AKAP19: variants seen among roughly 807,000 people sequenced by gnomAD.
The protein encoded by AKAP19 is A-kinase anchoring protein 19.
chr2:190,014,830 G>A, the AKAP19 span, among the ~76,000 whole-genome samples: 1 of 152,066 alleles, frequency 6.6e-6, no homozygotes, highest in Non-Finnish European at 1.5e-5. Flanking sequence ...CAAAACAAAG[G>A]GGCTACAGGC....
At chr2:190,174,524 C>G in the AKAP19 span, among the ~76,000 whole-genome samples, 29 of 152,102 alleles carry the variant, frequency 1.9e-4, no homozygotes, top group Non-Finnish European at 4.1e-4. Context: ...AAATCATGAG[C>G]TAATAAATAT....
the AKAP19 span, among the ~76,000 whole-genome samples, chr2:189,944,179 G>T: frequency 6.6e-6 from 1 of 152,170 alleles, no homozygotes; most frequent in South Asian, 2.1e-4. Context: ...ACGTTGAATT[G>T]TAATCCCCAA....
chr2:189,987,773 A>G, the AKAP19 span, among the ~76,000 whole-genome samples: 2 of 152,214 alleles, frequency 1.3e-5, no homozygotes, highest in East Asian at 1.9e-4. Context: ...CATTATGTCT[A>G]TGAATCAGTG....
the AKAP19 span, among the ~76,000 whole-genome samples, chr2:190,175,732 A>G: frequency 1.3e-5 from 2 of 152,358 alleles, no homozygotes; most frequent in African/African-American, 2.4e-5. Context: ...AATGGCCTAC[A>G]GTACCATTTG....
chr2:189,931,099 T>G, the AKAP19 span: 1 of 387,618 alleles, frequency 2.6e-6, no homozygotes, highest in Non-Finnish European at 4.8e-6. Flanking sequence ...GTGGGATACT[T>G]TGAGACTATG....
chr2:189,980,914 T>C, the AKAP19 span, among the ~76,000 whole-genome samples: 1 of 152,224 alleles, frequency 6.6e-6, no homozygotes, highest in Non-Finnish European at 1.5e-5. Flanking sequence ...TATTTTTGAA[T>C]TTATTGAGAC....
chr2:190,074,054 A>C, the AKAP19 span, among the ~76,000 whole-genome samples: 1 of 151,978 alleles, frequency 6.6e-6, no homozygotes, highest in East Asian at 1.9e-4. Context: ...AAAAAAAAAA[A>C]AAAAAATTGC....
At chr2:189,995,966 T>G in the AKAP19 span, among the ~76,000 whole-genome samples, 2 of 152,210 alleles carry the variant, frequency 1.3e-5, no homozygotes, top group Non-Finnish European at 2.9e-5. Context: ...AGAAATCTGC[T>G]GTTAATCTGA....
chr2:190,108,159 G>T, the AKAP19 span, among the ~76,000 whole-genome samples: 1 of 144,758 alleles, frequency 6.9e-6, no homozygotes, highest in Non-Finnish European at 1.5e-5. Flanking sequence ...ATTCTGGTTT[G>T]TTGTTGTTAT....
chr2:190,135,079 C>CT, the AKAP19 span, among the ~76,000 whole-genome samples: 3 of 152,014 alleles, frequency 2.0e-5, no homozygotes, highest in Non-Finnish European at 2.9e-5. Context: ...TTTTAAACAA[C>CT]TTTTTTATGT....
chr2:190,024,801 C>A, the AKAP19 span, among the ~76,000 whole-genome samples: 5 of 152,146 alleles, frequency 3.3e-5, no homozygotes, highest in African/African-American at 9.7e-5. Flanking sequence ...CTAACCTATT[C>A]TATTGATGTG....
chr2:189,921,057 A>G, the AKAP19 span, among the ~76,000 whole-genome samples: 1 of 152,154 alleles, frequency 6.6e-6, no homozygotes, highest in East Asian at 1.9e-4. Context: ...TACCTTTATG[A>G]TTCCTTAACT....
the AKAP19 span, among the ~76,000 whole-genome samples, chr2:189,940,858 T>C: frequency 6.6e-6 from 1 of 151,822 alleles, no homozygotes; most frequent in Admixed American, 6.6e-5. Flanking sequence ...GCCACTGCAC[T>C]CCAACCTGGG....
chr2:190,196,466 T>G, the AKAP19 span, among the ~76,000 whole-genome samples: 2 of 151,998 alleles, frequency 1.3e-5, no homozygotes, highest in Non-Finnish European at 2.9e-5. Flanking sequence ...TTCTTGGGTA[T>G]ACTTAAATAG....
the AKAP19 span, among the ~76,000 whole-genome samples, chr2:190,119,189 G>C: frequency 6.6e-6 from 1 of 152,198 alleles, no homozygotes; most frequent in East Asian, 1.9e-4. Context: ...GACACACATG[G>C]AGTGGTTTTA....
chr2:190,195,897 C>T, the AKAP19 span, among the ~76,000 whole-genome samples: 2 of 144,262 alleles, frequency 1.4e-5, no homozygotes, highest in African/African-American at 5.0e-5. Flanking sequence ...GGTCTATGAT[C>T]CATTTCAAAT....
the AKAP19 span, among the ~76,000 whole-genome samples, chr2:190,142,109 G>T: frequency 6.6e-6 from 1 of 152,148 alleles, no homozygotes; most frequent in Non-Finnish European, 1.5e-5. Context: ...GCAGACTCCA[G>T]TCGGTCATAT....
chr2:190,147,180 G>A, the AKAP19 span, among the ~76,000 whole-genome samples: 2 of 152,182 alleles, frequency 1.3e-5, no homozygotes, highest in African/African-American at 4.8e-5. Flanking sequence ...TTGTGTATAA[G>A]GTGAGAGATG....
chr2:190,133,233 G>C, the AKAP19 span, among the ~76,000 whole-genome samples: 1 of 44,362 alleles, frequency 2.3e-5, no homozygotes, highest in South Asian at 1.7e-3. Flanking sequence ...GCGAGACTCT[G>C]CCAAAAAAAA....
Sources: gnomAD v4.1 joint callset for allele counts (sites outside exome capture counted in the v4.1 genomes callset) on GRCh38, gnomAD v4.1.1 for gene constraint, MANE v1.5 for transcripts, NCBI Gene and HGNC (gene_info 2026-07-23, HGNC 2026-07-21) for gene names.